The following FGF1 variants were observed in gnomAD, a reference collection of about 807,000 sequenced individuals.
The protein encoded by FGF1 is beta-endothelial cell growth factor.
In FGF1, 9 loss-of-function variants were observed where a neutral mutation model predicts 13.4. The observed-to-expected ratio is 0.67, with a 90% confidence interval of 0.40 to 1.17. FGF1 has a LOEUF of 1.17. Among genes scored for constraint, FGF1 ranks in the 50% most tolerant of loss-of-function variants. The pLI is 0.01. For synonymous variants in FGF1, 93 were observed against 79.0 expected, an observed-to-expected ratio of 1.18 and a Z score of -0.94; for missense variants, 156 against 192.7, an observed-to-expected ratio of 0.81 and a Z score of 1.13.
chr5:142,657,365 G>A (rs775991290), intron 1 of FGF1, among the ~76,000 whole-genome samples: 9 of 152,168 alleles, frequency 5.9e-5, no homozygotes, highest in South Asian at 2.1e-4. Flanking sequence ...CTCCCGCCCC[G>A]TTCTCTGCTT....
intron 1 of FGF1, among the ~76,000 whole-genome samples, chr5:142,648,716 A>G (rs1554087144): frequency 6.7e-6 from 1 of 149,748 alleles, no homozygotes; most frequent in Non-Finnish European, 1.5e-5. Context: ...AAAAAAAAGA[A>G]CAAGTGTCTT....
At chr5:142,664,405 C>T (rs1769888824) in intron 1 of FGF1, among the ~76,000 whole-genome samples, 1 of 152,324 alleles carries the variant, frequency 6.6e-6, no homozygotes, top group South Asian at 2.1e-4. Flanking sequence ...CCTGTATTCT[C>T]TGCAAATGTA....
In FGF1 at chr5:142,645,360, C is replaced by T. The variant is rs549377556; in HGVS notation, c.-34-31199G>A. On this transcript the variant is annotated intron_variant, in intron 1 of 3. Transcript: ENST00000337706. ...CACTCTTTGGGGTGCTGGGAGACAT[C>T]GCATTCCTCAGCCTACAGCAGGCGT... Among the ~76,000 whole-genome samples the T allele has an allele frequency of 3.9e-5, 6 of 152,252 alleles. No individual in the cohort carries two copies. In the East Asian group the frequency reaches 5.8e-4, roughly 15 times the overall value.
chr5:142,651,873 A>C (rs564955594), intron 1 of FGF1, among the ~76,000 whole-genome samples: 1 of 150,068 alleles, frequency 6.7e-6, no homozygotes, highest in Non-Finnish European at 1.5e-5. Flanking sequence ...CCATGTGGAC[A>C]CTTAACCTCT....
chr5:142,657,573 C>T (rs1470233497), intron 1 of FGF1, among the ~76,000 whole-genome samples: 1 of 152,246 alleles, frequency 6.6e-6, no homozygotes, highest in East Asian at 1.9e-4. Flanking sequence ...TCTTTTTTGA[C>T]TTGACTTTTA....
In FGF1 at chr5:142,662,635, G is replaced by GTCATTCAT. The variant is rs34916756; in HGVS notation, c.-35+23314_-35+23321dup. ...CACAAAAGCCCAGTGATGACTGCTG[G>GTCATTCAT]TCATTCATTCATTCATTCAGCACAT... On this transcript the variant is annotated intron_variant, in intron 1 of 3. Transcript: ENST00000337706. Among the ~76,000 whole-genome samples the GTCATTCAT allele has an allele frequency of 2.8e-3, 423 of 151,628 alleles. 3 individuals carry two copies. Among genetic ancestry groups the GTCATTCAT allele is most frequent in the African/African-American group, 9.8e-3 (406 of 41,238 alleles).
In FGF1 at chr5:142,593,112, A is replaced by G. The variant is rs1754590864; in HGVS notation, c.*2178T>C. 6.6e-6 allele frequency: 1 copy of G among 152,216 alleles called. No homozygotes were observed. Among genetic ancestry groups the G allele is most frequent in the Non-Finnish European group, 1.5e-5 (1 of 68,044 alleles). The allele number at this position is 152,216 out of a possible 1,614,324, so 9.4% of individuals were successfully genotyped here. On this transcript the variant is annotated 3_prime_UTR_variant, in exon 4 of 4. Transcript: ENST00000337706. Reference sequence around the variant, plus strand: ...ATGCTTTGCATCTCCGAAATCACAGACTTCCATTTCACAAGTTAGCAATGG... The same window carrying G: ...ATGCTTTGCATCTCCGAAATCACAGGCTTCCATTTCACAAGTTAGCAATGG...
chr5:142,652,675 G>A (rs1767463723), intron 1 of FGF1, among the ~76,000 whole-genome samples: 1 of 152,220 alleles, frequency 6.6e-6, no homozygotes, highest in African/African-American at 2.4e-5. Flanking sequence ...CACACGTGCA[G>A]CCTGGCACAC....
At chr5:142,644,084 A>G (rs1765621261) in intron 1 of FGF1, 1 of 152,210 alleles carries the variant, frequency 6.6e-6, no homozygotes, top group Non-Finnish European at 1.5e-5. Flanking sequence ...GCCCTAAAAC[A>G]AAAAAGGAAA....
intron 1 of FGF1, among the ~76,000 whole-genome samples, chr5:142,647,080 G>C (rs919828413): frequency 1.3e-5 from 2 of 152,204 alleles, no homozygotes; most frequent in Non-Finnish European, 2.9e-5. Flanking sequence ...TGAAGAGAGG[G>C]AGGGGAAGGG....
intron 1 of FGF1, among the ~76,000 whole-genome samples, chr5:142,629,614 A>G (rs1465945713): frequency 6.6e-6 from 1 of 152,030 alleles, no homozygotes; most frequent in Non-Finnish European, 1.5e-5. Flanking sequence ...CAATTATGAT[A>G]ATTTAGGATT....
In FGF1 at chr5:142,614,180, A is replaced by C; in HGVS notation, c.-34-19T>G. On this transcript the variant is annotated intron_variant, in intron 1 of 3. Transcript: ENST00000337706. ...TTCAAGACTGTAAGAAATTGAACAA[A>C]CCTGTAGTCGGTTCTTCCAGCAAAG... 6.3e-7 allele frequency: 1 copy of C among 1,594,646 alleles called. No homozygotes were observed. Among genetic ancestry groups the C allele is most frequent in the East Asian group, 2.2e-5 (1 of 44,716 alleles).
At chr5:142,659,190 G>C (rs536572340) in intron 1 of FGF1, among the ~76,000 whole-genome samples, 8 of 145,294 alleles carry the variant, frequency 5.5e-5, no homozygotes, top group Non-Finnish European at 1.1e-4. Flanking sequence ...AATTTTTTTT[G>C]TATTTTTCTT....
rs145404017 is a variant in FGF1, at chr5:142,653,917, C to A, written c.-35+32040G>T. ...GACCAGCCTGGCCAACATGGTGAAA[C>A]CTCATCTCTACTAAAAATACAAAAA... On this transcript the variant is annotated intron_variant, in intron 1 of 3. Coordinates refer to ENST00000337706, the MANE Select transcript of FGF1 (RefSeq NM_000800.5). 7.4e-4 allele frequency among the ~76,000 whole-genome samples: 113 copies of A among 152,198 alleles called. 3 individuals carry two copies. In the East Asian group the frequency reaches 0.017, roughly 23 times the overall value.
chr5:142,660,363 C>T (rs1162596657), intron 1 of FGF1, among the ~76,000 whole-genome samples: 1 of 152,224 alleles, frequency 6.6e-6, no homozygotes, highest in Non-Finnish European at 1.5e-5. Context: ...TGGCTGCCCA[C>T]CCTTTGGCCT....
In FGF1 at chr5:142,602,168, G is replaced by GTTCT. The variant is rs553236588; in HGVS notation, c.170-1367_170-1364dup. Among the ~76,000 whole-genome samples the GTTCT allele has an allele frequency of 2.9e-4, 43 of 150,296 alleles. No individual in the cohort carries two copies. In the South Asian group the frequency reaches 9.0e-3, roughly 32 times the overall value. ...CGACCCCTCATTGCCTTTTCTTTGT[G>GTTCT]TTCTTTTCTTTTTTTTTTTTTCTTT... is the stretch of plus-strand genomic sequence containing the variant. On this transcript the variant is annotated intron_variant, in intron 2 of 3. Transcript: ENST00000337706.
At chr5:142,662,200 A>G (rs1200181818) in intron 1 of FGF1, among the ~76,000 whole-genome samples, 1 of 152,218 alleles carries the variant, frequency 6.6e-6, no homozygotes, top group Admixed American at 6.5e-5. Flanking sequence ...CAGTAGTTGC[A>G]TGACACTGTG....
At chr5:142,633,479 T>A (rs549548253) in intron 1 of FGF1, among the ~76,000 whole-genome samples, 1 of 152,354 alleles carries the variant, frequency 6.6e-6, no homozygotes, top group South Asian at 2.1e-4. Context: ...GACTTTGGTG[T>A]CAAAATCTCC....
intron 1 of FGF1, among the ~76,000 whole-genome samples, chr5:142,631,063 G>A (rs1763299117): frequency 6.6e-6 from 1 of 152,170 alleles, no homozygotes; most frequent in South Asian, 2.1e-4. Context: ...GAGTAAATGA[G>A]GGAGGGAGGG....
Sources: allele counts gnomAD v4.1 joint callset (sites outside exome capture counted in the v4.1 genomes callset), GRCh38; gene constraint gnomAD v4.1.1; transcripts MANE v1.5; gene names NCBI Gene and HGNC (gene_info 2026-07-23, HGNC 2026-07-21).